Variants in FBXL17 observed in about 807,000 individuals in gnomAD.
FBXL17 encodes the protein F-box/LRR-repeat protein 17.
In FBXL17, 22 loss-of-function variants were observed where a neutral mutation model predicts 66.2. The ratio of observed to expected loss-of-function variants is 0.33; its 90% CI spans 0.24 to 0.47. The LOEUF (loss-of-function observed/expected upper bound fraction) is 0.47. Ranked by LOEUF, FBXL17 falls within the 20% of genes least tolerant of loss-of-function variation. The pLI is 1.00. For missense variants in FBXL17, 878 were observed against 948.2 expected, an observed-to-expected ratio of 0.93 and a Z score of 0.97; for synonymous variants, 474 against 400.5, an observed-to-expected ratio of 1.18 and a Z score of -2.19.
chr5:108,034,757 GA>G (rs1746777620), intron 6 of FBXL17, among the ~76,000 whole-genome samples: 1 of 151,980 alleles, frequency 6.6e-6, no homozygotes, highest in South Asian at 2.1e-4. Context: ...AAACCACTGA[GA>G]AATAACTGCA....
intron 4 of FBXL17, among the ~76,000 whole-genome samples, chr5:108,320,624 C>A (rs529794912): frequency 6.6e-6 from 1 of 151,860 alleles, no homozygotes; most frequent in African/African-American, 2.4e-5. Flanking sequence ...ACATTTAAAT[C>A]TGAGGGAAGG....
chr5:108,125,389 A>C (rs1750659344), intron 6 of FBXL17, among the ~76,000 whole-genome samples: 1 of 152,184 alleles, frequency 6.6e-6, no homozygotes, highest in South Asian at 2.1e-4. Context: ...GCTACATAAA[A>C]ATAAACTTGG....
At chr5:108,078,051 C>A (rs1288035089) in intron 6 of FBXL17, among the ~76,000 whole-genome samples, 1 of 152,190 alleles carries the variant, frequency 6.6e-6, no homozygotes, top group Non-Finnish European at 1.5e-5. Flanking sequence ...GCTAGAAAAA[C>A]TAGTCTATAG....
chr5:107,918,115 A>G (rs534642605), intron 7 of FBXL17, among the ~76,000 whole-genome samples: 24 of 152,316 alleles, frequency 1.6e-4, no homozygotes, highest in African/African-American at 5.5e-4. Flanking sequence ...GTGAGCATCC[A>G]GGCAGATCTA....
chr5:107,908,554 T>G (rs1270415092), intron 7 of FBXL17, among the ~76,000 whole-genome samples: 2 of 152,150 alleles, frequency 1.3e-5, no homozygotes, highest in African/African-American at 4.8e-5. Flanking sequence ...AAAACCTATA[T>G]GCAATTAATT....
At chr5:108,341,653 T>C (rs1257889830) in intron 4 of FBXL17, among the ~76,000 whole-genome samples, 1 of 152,162 alleles carries the variant, frequency 6.6e-6, no homozygotes, top group African/African-American at 2.4e-5. Context: ...CTAGAGACTT[T>C]CAAATTTCAC....
intron 4 of FBXL17, among the ~76,000 whole-genome samples, chr5:108,238,822 T>C (rs2150096989): frequency 6.6e-6 from 1 of 152,274 alleles, no homozygotes; most frequent in South Asian, 2.1e-4. Context: ...AACTGTTACT[T>C]TTTATATATG....
intron 4 of FBXL17, among the ~76,000 whole-genome samples, chr5:108,346,369 G>A (rs1349326554): frequency 3.3e-5 from 5 of 151,734 alleles, no homozygotes; most frequent in East Asian, 3.9e-4. Context: ...TAGCATTTAC[G>A]TATATAACAT....
At chr5:108,202,488 GT>G (rs1238806861) in intron 5 of FBXL17, among the ~76,000 whole-genome samples, 4 of 152,122 alleles carry the variant, frequency 2.6e-5, no homozygotes, top group Non-Finnish European at 4.4e-5. Context: ...AATTTGGGCA[GT>G]AATAATAAGG....
At position 108,198,226 on chromosome 5, in the gene FBXL17, A is replaced by C. The variant is rs541106188; in HGVS notation, c.1615-11979T>G. On this transcript the variant is annotated intron_variant, in intron 5 of 8. Coordinates refer to ENST00000542267, the MANE Select transcript of FBXL17 (RefSeq NM_001163315.3). The stretch of plus-strand genomic sequence containing the variant: ...AAGAAACTAAATAACCTAGGCATTC[A>C]GCAGCAGCTTTCTCTCCTTCTAATT... Among the ~76,000 whole-genome samples, 14 of 152,296 alleles carry C rather than the reference A, an allele frequency of 9.2e-5. No individual in the cohort carries two copies. In the South Asian group the frequency reaches 1.7e-3, roughly 18 times the overall value.
intron 1 of FBXL17, among the ~76,000 whole-genome samples, chr5:108,373,430 G>A (rs978099663): frequency 7.0e-6 from 1 of 143,220 alleles, no homozygotes; most frequent in Admixed American, 6.9e-5. Context: ...TATAATGTGA[G>A]AATTATATGT....
chr5:107,986,156 C>G (rs1384862956), intron 7 of FBXL17, among the ~76,000 whole-genome samples: 1 of 151,912 alleles, frequency 6.6e-6, no homozygotes, highest in East Asian at 1.9e-4. Flanking sequence ...TGAGATAACC[C>G]ATATCTGTAG....
intron 5 of FBXL17, among the ~76,000 whole-genome samples, chr5:108,202,892 C>T (rs1753955543): frequency 6.6e-6 from 1 of 151,924 alleles, no homozygotes; most frequent in Non-Finnish European, 1.5e-5. Flanking sequence ...TTTTTAAATG[C>T]TTTTTAAAAA....
At chr5:108,163,390 TTTTTTTTTC>T (rs1177356753) in intron 6 of FBXL17, among the ~76,000 whole-genome samples, 2 of 88,170 alleles carry the variant, frequency 2.3e-5, no homozygotes, top group African/African-American at 6.9e-5. Context: ...CATGAAAACT[TTTTTTTTTC>T]TTTTTTTTTT....
At chr5:108,030,284 G>A (rs1281065666) in intron 6 of FBXL17, among the ~76,000 whole-genome samples, 1 of 152,076 alleles carries the variant, frequency 6.6e-6, no homozygotes, top group Admixed American at 6.6e-5. Context: ...GGAGAGTGGT[G>A]GAAAGCTAAT....
intron 6 of FBXL17, among the ~76,000 whole-genome samples, chr5:108,142,197 C>T (rs1226001607): frequency 6.6e-6 from 1 of 152,214 alleles, no homozygotes; most frequent in Non-Finnish European, 1.5e-5. Flanking sequence ...AATATTCTCT[C>T]TCTATTCCTA....
At chr5:108,045,377 G>A (rs1389739860) in intron 6 of FBXL17, among the ~76,000 whole-genome samples, 1 of 152,130 alleles carries the variant, frequency 6.6e-6, no homozygotes, top group Non-Finnish European at 1.5e-5. Context: ...AGGAGGCAGA[G>A]GTTTCAGTGA....
At chr5:108,021,647 G>A (rs2112765440) in intron 6 of FBXL17, among the ~76,000 whole-genome samples, 1 of 151,388 alleles carries the variant, frequency 6.6e-6, no homozygotes, top group Non-Finnish European at 1.5e-5. Flanking sequence ...TTTCATTTAA[G>A]TTTCATTTTT....
At chr5:107,908,138 C>T (rs1211716162) in intron 7 of FBXL17, among the ~76,000 whole-genome samples, 1 of 152,108 alleles carries the variant, frequency 6.6e-6, no homozygotes, top group Non-Finnish European at 1.5e-5. Flanking sequence ...AGTTCATGTC[C>T]TTCGTAGGGA....
Sources: allele counts gnomAD v4.1 joint callset (sites outside exome capture counted in the v4.1 genomes callset), GRCh38; gene constraint gnomAD v4.1.1; transcripts MANE v1.5; gene names NCBI Gene and HGNC (gene_info 2026-07-23, HGNC 2026-07-21).